Variants in PPP6R1 observed in about 807,000 individuals in gnomAD.
PPP6R1 encodes serine/threonine-protein phosphatase 6 regulatory subunit 1.
In PPP6R1, 39 loss-of-function variants were observed where a neutral mutation model predicts 104.6. That is an observed-to-expected ratio of 0.37 (90% confidence interval 0.29 to 0.49). PPP6R1 has a LOEUF of 0.49. Ranked by LOEUF, PPP6R1 falls within the 20% of genes least tolerant of loss-of-function variation. PPP6R1 has a pLI of 0.98. For missense variants in PPP6R1, 1,181 were observed against 1,155.8 expected (o/e 1.02, Z -0.32); for synonymous variants, 549 against 479.0 (o/e 1.15, Z -1.91).
rs570770721 is a variant in PPP6R1, at chr19:55,232,243, T to C, written c.1989-32A>G. The C allele has an allele frequency of 1.2e-4, 188 of 1,518,090 alleles. No individual in the cohort carries two copies. In the East Asian group the frequency reaches 4.4e-3, roughly 36 times the overall value. 94.0% of individuals were successfully genotyped at this position (1,518,090 alleles called of 1,614,324 possible). A position where few individuals can be genotyped will look rare whatever the true frequency, so the allele number is the denominator to read the frequency against. Reference sequence around the variant, plus strand: ...CAGAAACCACCTCGTCAGCTAGCTGTGTGGGACAGACCGGCCGACACCCAT... The same window carrying C: ...CAGAAACCACCTCGTCAGCTAGCTGCGTGGGACAGACCGGCCGACACCCAT... On this transcript the variant is annotated intron_variant, in intron 17 of 23. Coordinates refer to ENST00000412770, the MANE Select transcript of PPP6R1 (RefSeq NM_014931.4).
At chr19:55,231,265 G>C in intron 21 of PPP6R1, 145 bp downstream of exon 21, 1 of 1,020,540 alleles carries the variant, frequency 9.8e-7, no homozygotes, top group Non-Finnish European at 1.5e-6. Context: ...GAGTGCAAGG[G>C]GCTGGGGCAC....
At position 55,247,122 on chromosome 19, in the gene PPP6R1, A is replaced by G; in HGVS notation, c.-6-13T>C. On this transcript the variant is annotated splice_polypyrimidine_tract_variant and intron_variant, in intron 1 of 23. Coordinates refer to ENST00000412770, the MANE Select transcript of PPP6R1 (RefSeq NM_014931.4). ...AAAACATGGCGCCCTGCAGGCATAG[A>G]CACAACCAGCGCCGCGTCAGACGCC... is the stretch of plus-strand genomic sequence containing the variant. The G allele has an allele frequency of 6.2e-7, 1 of 1,609,530 alleles. No individual in the cohort carries two copies. Among genetic ancestry groups the G allele is most frequent in the Non-Finnish European group, 8.5e-7 (1 of 1,178,372 alleles).
intron 1 of PPP6R1, among the ~76,000 whole-genome samples, chr19:55,247,701 C>T (rs965789831): frequency 2.6e-5 from 4 of 152,284 alleles, no homozygotes; most frequent in Admixed American, 6.5e-5. Flanking sequence ...CATGGGGCGG[C>T]GGCAGGGGGA....
chr19:55,243,404 C>CAA (rs58375899), intron 5 of PPP6R1, among the ~76,000 whole-genome samples: 13 of 49,056 alleles, frequency 2.7e-4, no homozygotes, highest in African/African-American at 6.4e-4. Context: ...GACTCCATCT[C>CAA]AAAAAAAAAA....
rs1173749426 is a variant in PPP6R1 at position 55,230,241 on chromosome 19, C to G, written c.*287G>C. 2 of 464,696 alleles carry G rather than the reference C, an allele frequency of 4.3e-6. No individual in the cohort carries two copies. The highest frequency in any genetic ancestry group is 3.5e-5 in the East Asian group (1 of 28,222). 28.8% of individuals were successfully genotyped at this position (464,696 alleles called of 1,614,324 possible). The stretch of plus-strand genomic sequence containing the variant: ...TCCTCACTCTCTCTCGCTCTCCTCC[C>G]TCTCTCTATATAATATATAATATAT... On this transcript the variant is annotated 3_prime_UTR_variant, in exon 24 of 24. Transcript: ENST00000412770.
chr19:55,254,585 C>T (rs1021619545), intron 1 of PPP6R1, among the ~76,000 whole-genome samples: 1 of 152,220 alleles, frequency 6.6e-6, no homozygotes, highest in African/African-American at 2.4e-5. Context: ...CCCTTCCCAA[C>T]CTGCGCTGAC....
At chr19:55,234,660 T>C (rs374020785) in intron 17 of PPP6R1, among the ~76,000 whole-genome samples, 1,346 of 101,280 alleles carry the variant, frequency 0.013, 10 homozygotes, top group South Asian at 0.056. Context: ...TCACAGCGGC[T>C]GCACTCACAG....
At chr19:55,254,999 G>C (rs950364207) in intron 1 of PPP6R1, among the ~76,000 whole-genome samples, 1 of 152,218 alleles carries the variant, frequency 6.6e-6, no homozygotes, top group Non-Finnish European at 1.5e-5. Context: ...CAATTTGATA[G>C]AAAGGGCCAC....
intron 17 of PPP6R1, chr19:55,232,506 G>T (rs2087359029): frequency 2.5e-6 from 1 of 403,698 alleles, no homozygotes; most frequent in Admixed American, 4.1e-5. Context: ...CTCAGCCATG[G>T]CAACCAGAGC....
chr19:55,240,441 T>A (rs2087442416), intron 10 of PPP6R1, 141 bp from the exon 11 acceptor site: 2 of 851,058 alleles, frequency 2.4e-6, no homozygotes, highest in African/African-American at 3.4e-5. Flanking sequence ...GAAGGAGGGA[T>A]GCAAGCTGGG....
chr19:55,240,551 ACACACATG>A (rs1389078874), intron 10 of PPP6R1, among the ~76,000 whole-genome samples: 1 of 150,286 alleles, frequency 6.7e-6, no homozygotes, highest in African/African-American at 2.5e-5. Context: ...ACACACACAC[ACACACATG>A]CATGCACTAA....
chr19:55,254,300 A>G (rs556918901), intron 1 of PPP6R1, among the ~76,000 whole-genome samples: 1 of 152,334 alleles, frequency 6.6e-6, no homozygotes, highest in Non-Finnish European at 1.5e-5. Context: ...AAGAAGGGGA[A>G]ATTGTAAATG....
chr19:55,242,601 A>G (rs940178380), intron 5 of PPP6R1, 113 bp from the exon 6 acceptor site: 9 of 832,482 alleles, frequency 1.1e-5, no homozygotes, highest in Non-Finnish European at 1.6e-5. Flanking sequence ...GGTCACCCAG[A>G]CACAGGGACA....
intron 1 of PPP6R1, among the ~76,000 whole-genome samples, chr19:55,249,036 A>G (rs1388421081): frequency 6.6e-6 from 1 of 152,040 alleles, no homozygotes; most frequent in Admixed American, 6.6e-5. Flanking sequence ...ATAACACTAT[A>G]TGGGTCCCTA....
At chr19:55,231,355 G>A (rs2087343799) in intron 21 of PPP6R1, 55 bp downstream of exon 21, 2 of 1,510,608 alleles carry the variant, frequency 1.3e-6, no homozygotes, top group African/African-American at 1.4e-5. Context: ...GCCCACCTCA[G>A]CGAAGAGGAG....
At chr19:55,233,760 C>T (rs1006656990) in intron 17 of PPP6R1, among the ~76,000 whole-genome samples, 1 of 152,110 alleles carries the variant, frequency 6.6e-6, no homozygotes, top group Non-Finnish European at 1.5e-5. Flanking sequence ...ACCTACGAAA[C>T]ATTGTTGAAA....
chr19:55,239,464 G>C lies in PPP6R1; in HGVS notation c.1692C>G (p.Ala564=). 1.2e-6 allele frequency: 2 copies of C among 1,614,038 alleles called. No homozygotes were observed. The highest frequency in any genetic ancestry group is 1.7e-6 in the Non-Finnish European group (2 of 1,179,904). ...CATTGAAGCCGAAGTGGTCAATGAA[G>C]GCAGAGGTCATGCGCTGCATCTGGA... ...MDFQMQRMTS[A]FIDHFGFNDE... Residue 564 remains alanine, a synonymous_variant, in exon 15 of 24, where the codon GCC becomes GCG. Transcript: ENST00000412770.
In PPP6R1 at chr19:55,245,714, CGGA is replaced by C; in HGVS notation, c.228-39_228-37del. The C allele has an allele frequency of 2.0e-6, 2 of 1,022,618 alleles. No homozygotes were observed. Among genetic ancestry groups the C allele is most frequent in the Non-Finnish European group, 2.9e-6 (2 of 699,048 alleles). 63.3% of individuals were successfully genotyped at this position (1,022,618 alleles called of 1,614,324 possible). ...AGCACAGGCGGGTGGGGGCTCGGGT[CGGA>C]GGCCGGGGGCAGGGGGCGGCAAGGC... is the stretch of plus-strand genomic sequence containing the variant. On this transcript the variant is annotated intron_variant, in intron 2 of 23. Transcript: ENST00000412770. This position sits in a 1 kb window ranked among gnomAD's most constrained non-coding sequence, Gnocchi z 6.4.
intron 17 of PPP6R1, among the ~76,000 whole-genome samples, chr19:55,234,472 GA>G (rs1456793957): frequency 6.6e-6 from 1 of 152,184 alleles, no homozygotes; most frequent in East Asian, 1.9e-4. Context: ...TATGTAAAGG[GA>G]TGAAGGTGGA....
Sources: gnomAD v4.1 joint callset for allele counts (sites outside exome capture counted in the v4.1 genomes callset) on GRCh38, gnomAD v4.1.1 for gene constraint, Gnocchi (gnomAD v3.1) non-coding constraint, MANE v1.5 for transcripts, NCBI Gene and HGNC (gene_info 2026-07-23, HGNC 2026-07-21) for gene names.